The following VTI1A variants were observed in gnomAD, a reference collection of about 807,000 sequenced individuals.
VTI1A encodes the protein vesicle transport through interaction with t-SNAREs 1A.
A neutral mutation model predicts 34.9 loss-of-function variants in VTI1A; 22 were observed. That is an observed-to-expected ratio of 0.63 (90% CI 0.45 to 0.90). VTI1A has a LOEUF of 0.90. Ranked by LOEUF, VTI1A falls within the 40% of genes least tolerant of loss-of-function variation. The probability of loss-of-function intolerance (pLI) is 0.00; values close to 1 mark genes in which losing one functional copy is unlikely to be tolerated. For synonymous variants in VTI1A, 87 were observed against 97.3 expected, an observed-to-expected ratio of 0.89 and a Z score of 0.62; for missense variants, 268 against 275.6, an observed-to-expected ratio of 0.97 and a Z score of 0.20.
chr10:112,854,517 C>T, the VTI1A span, among the ~76,000 whole-genome samples: 2 of 152,158 alleles, frequency 1.3e-5, no homozygotes, highest in Non-Finnish European at 2.9e-5. Flanking sequence ...GCCCCGGCCG[C>T]CCAGAGATCA....
At chr10:112,806,876 T>C (rs1338241140) in intron 7 of VTI1A, among the ~76,000 whole-genome samples, 1 of 152,174 alleles carries the variant, frequency 6.6e-6, no homozygotes, top group African/African-American at 2.4e-5. Flanking sequence ...CATGAGCCAA[T>C]GTACCTGGCC....
the VTI1A span, chr10:112,827,234 T>G: frequency 6.6e-6 from 1 of 152,190 alleles, no homozygotes; most frequent in Non-Finnish European, 1.5e-5. Flanking sequence ...CTCTTCTCCG[T>G]GTAACTGAGC....
chr10:112,701,247 T>G (rs1225505209), intron 7 of VTI1A, among the ~76,000 whole-genome samples: 1 of 152,178 alleles, frequency 6.6e-6, no homozygotes, highest in Non-Finnish European at 1.5e-5. Context: ...TGGACCCAGA[T>G]GCAGAAACCA....
rs945082540 is a variant in VTI1A at position 112,470,077 on chromosome 10, A to G, written c.264+5420A>G. ...TCCACTGCTTGTTGTCCAACTTTGG[A>G]AAATAATTGATTCATCCATTTTGTC... On this transcript the variant is annotated intron_variant, in intron 3 of 7. Coordinates refer to ENST00000393077, the MANE Select transcript of VTI1A (RefSeq NM_145206.4). Among the ~76,000 whole-genome samples, 7 of 152,314 alleles carry G rather than the reference A, an allele frequency of 4.6e-5. No homozygotes were observed. The Middle Eastern group carries it at 0.01, about 222-fold the overall frequency.
chr10:112,623,731 A>G (rs1425508063), intron 5 of VTI1A, among the ~76,000 whole-genome samples: 2 of 152,196 alleles, frequency 1.3e-5, no homozygotes, highest in Admixed American at 1.3e-4. Context: ...GACTTGGACA[A>G]AATCTTCAGT....
chr10:112,496,521 A>G lies in VTI1A; in HGVS notation c.265-30566A>G, dbSNP rs552979940. On this transcript the variant is annotated intron_variant, in intron 3 of 7. Coordinates refer to ENST00000393077, the MANE Select transcript of VTI1A (RefSeq NM_145206.4). ...GGGAGGCAGAGGTTGCAGTGAACCG[A>G]GATCGGGCCACTGCACTCCTGCCTG... Among the ~76,000 whole-genome samples the G allele has an allele frequency of 2.6e-5, 4 of 152,238 alleles. No homozygotes were observed. In the East Asian group the frequency reaches 7.7e-4, roughly 29 times the overall value.
the VTI1A span, among the ~76,000 whole-genome samples, chr10:112,837,404 G>A: frequency 2.2e-4 from 34 of 152,324 alleles, 1 homozygote; most frequent in East Asian, 6.2e-3. Context: ...ACCCACCGAT[G>A]TGGATCCTGA....
intron 7 of VTI1A, among the ~76,000 whole-genome samples, chr10:112,724,064 G>A (rs1043971630): frequency 1.3e-5 from 2 of 152,162 alleles, no homozygotes; most frequent in African/African-American, 4.8e-5. Flanking sequence ...CACCATTGCA[G>A]ACACTGCATA....
At chr10:112,556,297 A>G (rs1207508472) in intron 5 of VTI1A, among the ~76,000 whole-genome samples, 6 of 152,036 alleles carry the variant, frequency 3.9e-5, no homozygotes, top group Admixed American at 3.9e-4. Context: ...GTATATTAAC[A>G]TGGAAATGTC....
At chr10:112,634,013 T>C (rs531639051) in intron 5 of VTI1A, among the ~76,000 whole-genome samples, 15 of 152,210 alleles carry the variant, frequency 9.9e-5, no homozygotes, top group African/African-American at 3.6e-4. Flanking sequence ...CCCAGAGTAA[T>C]AGAGCTTTCT....
chr10:112,801,685 T>C (rs1852883018), intron 7 of VTI1A, among the ~76,000 whole-genome samples: 1 of 152,178 alleles, frequency 6.6e-6, no homozygotes, highest in Non-Finnish European at 1.5e-5. Context: ...TACCAGGTCA[T>C]TGGCAGCTCC....
intron 3 of VTI1A, among the ~76,000 whole-genome samples, chr10:112,518,250 T>C (rs1321310021): frequency 6.6e-6 from 1 of 151,986 alleles, no homozygotes; most frequent in Admixed American, 6.6e-5. Flanking sequence ...CAAACTTTTT[T>C]CGTGAACAAT....
At chr10:112,692,639 TTTC>T (rs1177251708) in intron 7 of VTI1A, among the ~76,000 whole-genome samples, 1 of 152,264 alleles carries the variant, frequency 6.6e-6, no homozygotes, top group Non-Finnish European at 1.5e-5. Flanking sequence ...ATTGGCACAA[TTTC>T]TTCTTCTTTA....
intron 7 of VTI1A, among the ~76,000 whole-genome samples, chr10:112,745,067 G>C (rs1163705251): frequency 6.6e-6 from 1 of 152,158 alleles, no homozygotes; most frequent in African/African-American, 2.4e-5. Flanking sequence ...GAAAAAAGTA[G>C]TTTTATTAAT....
intron 5 of VTI1A, chr10:112,548,712 C>T (rs944962440): frequency 7.6e-7 from 1 of 1,321,626 alleles, no homozygotes; most frequent in Admixed American, 1.7e-5. Context: ...ATGACACCCA[C>T]AGCAACTGTC....
At chr10:112,447,899 G>A (rs1029700888) in intron 1 of VTI1A, among the ~76,000 whole-genome samples, 1 of 152,160 alleles carries the variant, frequency 6.6e-6, no homozygotes, top group Non-Finnish European at 1.5e-5. Flanking sequence ...ATAGAGGTAA[G>A]AATCAGGGTG....
At chr10:112,552,800 A>G (rs1851408039) in intron 5 of VTI1A, among the ~76,000 whole-genome samples, 1 of 152,158 alleles carries the variant, frequency 6.6e-6, no homozygotes, top group Non-Finnish European at 1.5e-5. Context: ...CACACCCCAT[A>G]TAGTTCTTTA....
intron 7 of VTI1A, among the ~76,000 whole-genome samples, chr10:112,700,196 T>C (rs1277773299): frequency 6.9e-6 from 1 of 145,868 alleles, no homozygotes; most frequent in Non-Finnish European, 1.5e-5. Flanking sequence ...CAGATAGACA[T>C]GCTAAGACCC....
chr10:112,538,167 A>G, intron 4 of VTI1A, 79 bp from the exon 5 acceptor site: 1 of 1,314,854 alleles, frequency 7.6e-7, no homozygotes, highest in Non-Finnish European at 1.1e-6. Flanking sequence ...GGGCATACGA[A>G]GGCATTTTTT....
Sources: gnomAD v4.1 joint callset for allele counts (sites outside exome capture counted in the v4.1 genomes callset) on GRCh38, gnomAD v4.1.1 for gene constraint, MANE v1.5 for transcripts, NCBI Gene and HGNC (gene_info 2026-07-23, HGNC 2026-07-21) for gene names.